Variants in ANKS1B observed in about 807,000 individuals in gnomAD.
The protein encoded by ANKS1B is ankyrin repeat and sterile alpha motif domain-containing protein 1B.
ANKS1B carries 36 observed loss-of-function variants against 148.3 expected under a neutral mutation model. That is an observed-to-expected ratio of 0.24 (90% CI 0.19 to 0.32). ANKS1B has a LOEUF of 0.32. ANKS1B is among the 10% of genes least tolerant of loss of function. ANKS1B has a pLI of 1.00. For synonymous variants in ANKS1B, 542 were observed against 560.8 expected (o/e 0.97, Z 0.47); for missense variants, 1,157 against 1,542.6 (o/e 0.75, Z 4.19).
chr12:98,920,386 C>T (rs1423924805), intron 17 of ANKS1B, among the ~76,000 whole-genome samples: 2 of 152,138 alleles, frequency 1.3e-5, no homozygotes, highest in African/African-American at 2.4e-5. Context: ...AAAGACATAC[C>T]TGAGACTGGG....
intron 1 of ANKS1B, among the ~76,000 whole-genome samples, chr12:99,826,374 T>C (rs1486843814): frequency 6.6e-6 from 1 of 152,178 alleles, no homozygotes; most frequent in Non-Finnish European, 1.5e-5. Context: ...TGAATAGCTA[T>C]TCCAAACAAG....
At chr12:99,021,990 T>G (rs2099946087) in intron 17 of ANKS1B, among the ~76,000 whole-genome samples, 1 of 152,206 alleles carries the variant, frequency 6.6e-6, no homozygotes, top group South Asian at 2.1e-4. Flanking sequence ...TATGCAAATA[T>G]CCAACCTTCA....
intron 12 of ANKS1B, among the ~76,000 whole-genome samples, chr12:99,356,955 T>C (rs2092048909): frequency 6.6e-6 from 1 of 151,472 alleles, no homozygotes; most frequent in African/African-American, 2.4e-5. Flanking sequence ...TTTTGGCTAC[T>C]CATGTATTCA....
chr12:98,882,854 A>C (rs1167790378), intron 17 of ANKS1B, among the ~76,000 whole-genome samples: 1 of 152,216 alleles, frequency 6.6e-6, no homozygotes, highest in African/African-American at 2.4e-5. Context: ...AAGATACAAC[A>C]GCTAACGATT....
intron 9 of ANKS1B, among the ~76,000 whole-genome samples, chr12:99,515,985 C>A (rs1447739794): frequency 3.3e-5 from 5 of 152,094 alleles, no homozygotes; most frequent in Non-Finnish European, 7.4e-5. Flanking sequence ...CTATTCAAAT[C>A]TGTTGCCCAT....
intron 9 of ANKS1B, among the ~76,000 whole-genome samples, chr12:99,644,947 C>T (rs2098345385): frequency 6.6e-6 from 1 of 152,132 alleles, no homozygotes; most frequent in Non-Finnish European, 1.5e-5. Flanking sequence ...TCTGACCCTG[C>T]TGCCTTTCTC....
intron 9 of ANKS1B, among the ~76,000 whole-genome samples, chr12:99,563,671 C>T (rs1363239738): frequency 6.6e-6 from 1 of 152,102 alleles, no homozygotes; most frequent in African/African-American, 2.4e-5. Flanking sequence ...AAATGGAACA[C>T]AGAGCAAATG....
chr12:98,856,510 G>T (rs1166786882), intron 17 of ANKS1B, among the ~76,000 whole-genome samples: 1 of 152,202 alleles, frequency 6.6e-6, no homozygotes, highest in African/African-American at 2.4e-5. Flanking sequence ...TTGATTATAT[G>T]CATGAAGACT....
intron 12 of ANKS1B, among the ~76,000 whole-genome samples, chr12:99,345,510 CT>C (rs1339753862): frequency 2.6e-5 from 4 of 151,972 alleles, no homozygotes; most frequent in Non-Finnish European, 4.4e-5. Context: ...ATATTCTAAA[CT>C]GTATCAGAAA....
chr12:99,174,841 A>G (rs941535010), intron 14 of ANKS1B, among the ~76,000 whole-genome samples: 2 of 152,112 alleles, frequency 1.3e-5, no homozygotes, highest in African/African-American at 4.8e-5. Flanking sequence ...TTGAGTTATG[A>G]ACTAATATAC....
intron 14 of ANKS1B, among the ~76,000 whole-genome samples, chr12:99,164,618 C>T (rs750645218): frequency 3.9e-5 from 6 of 151,972 alleles, no homozygotes; most frequent in East Asian, 3.9e-4. Flanking sequence ...CTCTCAAAAA[C>T]GCTCTATATC....
At chr12:98,862,728 C>T (rs2099605635) in intron 17 of ANKS1B, among the ~76,000 whole-genome samples, 1 of 152,112 alleles carries the variant, frequency 6.6e-6, no homozygotes, top group Admixed American at 6.6e-5. Flanking sequence ...GGTTCTTACT[C>T]TCAAGTAGGA....
chr12:99,464,235 T>C (rs945736866), intron 10 of ANKS1B, among the ~76,000 whole-genome samples: 9 of 152,150 alleles, frequency 5.9e-5, no homozygotes, highest in Non-Finnish European at 1.2e-4. Flanking sequence ...GAGGGTCCTG[T>C]CTGTTAGAGG....
chr12:99,327,243 A>C (rs1344394497), intron 12 of ANKS1B, among the ~76,000 whole-genome samples: 6 of 108,276 alleles, frequency 5.5e-5, no homozygotes, highest in Admixed American at 1.1e-4. Flanking sequence ...TAATAATTAT[A>C]ATTTATTATA....
intron 15 of ANKS1B, among the ~76,000 whole-genome samples, chr12:99,097,770 C>T (rs968560594): frequency 1.3e-5 from 2 of 152,088 alleles, no homozygotes; most frequent in African/African-American, 2.4e-5. Flanking sequence ...ATTTAACTCC[C>T]TTAGGTCTTA....
chr12:99,897,653 C>T (rs1390461334), intron 1 of ANKS1B, among the ~76,000 whole-genome samples: 1 of 151,042 alleles, frequency 6.6e-6, no homozygotes, highest in Non-Finnish European at 1.5e-5. Flanking sequence ...AAAAGCAACA[C>T]TGTGCTTATT....
At chr12:99,562,043 C>G (rs1205470747) in intron 9 of ANKS1B, among the ~76,000 whole-genome samples, 1 of 152,198 alleles carries the variant, frequency 6.6e-6, no homozygotes, top group Non-Finnish European at 1.5e-5. Flanking sequence ...TGTGTTCGCA[C>G]ACATAAAAAC....
intron 4 of ANKS1B, among the ~76,000 whole-genome samples, chr12:99,787,920 AG>A (rs1602151995): frequency 6.6e-6 from 1 of 152,328 alleles, no homozygotes; most frequent in Non-Finnish European, 1.5e-5. Context: ...CCACACATTG[AG>A]GGGACATTTG....
intron 1 of ANKS1B, among the ~76,000 whole-genome samples, chr12:99,898,447 G>A (rs1043793325): frequency 2.0e-5 from 3 of 152,140 alleles, no homozygotes; most frequent in African/African-American, 7.2e-5. Context: ...CAGCAAGAAA[G>A]AAGGAAGCTT....
Sources: allele counts gnomAD v4.1 joint callset (sites outside exome capture counted in the v4.1 genomes callset), GRCh38; gene constraint gnomAD v4.1.1; transcripts MANE v1.5; gene names NCBI Gene and HGNC (gene_info 2026-07-23, HGNC 2026-07-21).